Variants in CDH4 observed in about 807,000 individuals in gnomAD.
The protein encoded by CDH4 is cadherin 4.
In CDH4, 33 loss-of-function variants were observed where a neutral mutation model predicts 86.0. That is an observed-to-expected ratio of 0.38 (90% CI 0.29 to 0.51). The LOEUF (loss-of-function observed/expected upper bound fraction) is 0.51. Ranked by LOEUF, CDH4 falls within the 20% of genes least tolerant of loss-of-function variation. The probability of loss-of-function intolerance (pLI) is 0.86; values close to 1 mark genes in which losing one functional copy is unlikely to be tolerated. For synonymous variants in CDH4, 555 were observed against 549.4 expected (o/e 1.01, Z -0.14); for missense variants, 1,114 against 1,307.4 (o/e 0.85, Z 2.28).
intron 3 of CDH4, among the ~76,000 whole-genome samples, chr20:61,770,005 G>A (rs768457820): frequency 1.3e-5 from 2 of 152,160 alleles, no homozygotes; most frequent in South Asian, 2.1e-4. Context: ...CCTGCTCATC[G>A]GACATTCAGT....
intron 4 of CDH4, among the ~76,000 whole-genome samples, chr20:61,792,860 A>G (rs1213348363): frequency 1.3e-5 from 2 of 152,180 alleles, no homozygotes; most frequent in Admixed American, 1.3e-4. Flanking sequence ...CATATTGGTC[A>G]GGCTAATCTT....
At chr20:61,729,784 A>G (rs6061772) in intron 2 of CDH4, among the ~76,000 whole-genome samples, 91,099 of 152,192 alleles carry the variant, frequency 0.6, 28,744 homozygotes, top group African/African-American at 0.8. Flanking sequence ...TGCAGTGTCC[A>G]TGAGGATGTG....
chr20:61,525,561 G>T (rs906997807), intron 2 of CDH4, among the ~76,000 whole-genome samples: 1 of 152,222 alleles, frequency 6.6e-6, no homozygotes, highest in Non-Finnish European at 1.5e-5. Flanking sequence ...TCCAGCTGCA[G>T]AAGCCGGGAC....
At chr20:61,919,569 G>A (rs577377478) in intron 9 of CDH4, among the ~76,000 whole-genome samples, 12 of 152,386 alleles carry the variant, frequency 7.9e-5, no homozygotes, top group African/African-American at 2.6e-4. Flanking sequence ...CATCAGTGGC[G>A]GGACATGGTG....
chr20:61,617,098 G>A (rs1286821092), intron 2 of CDH4, among the ~76,000 whole-genome samples: 1 of 152,228 alleles, frequency 6.6e-6, no homozygotes, highest in African/African-American at 2.4e-5. Context: ...CATTTCTCAA[G>A]AGTCATCCTG....
At chr20:61,570,048 A>G (rs957753916) in intron 2 of CDH4, 2 of 152,418 alleles carry the variant, frequency 1.3e-5, no homozygotes, top group African/African-American at 4.8e-5. Flanking sequence ...AGTGACATGA[A>G]TGGTTACTAT....
At chr20:61,389,286 C>G (rs1036308352) in intron 2 of CDH4, among the ~76,000 whole-genome samples, 1 of 152,226 alleles carries the variant, frequency 6.6e-6, no homozygotes, top group African/African-American at 2.4e-5. Flanking sequence ...ATGTGGCGGC[C>G]TGTCTCAGAT....
chr20:61,267,771 A>G (rs1441974846), intron 2 of CDH4, among the ~76,000 whole-genome samples: 1 of 152,184 alleles, frequency 6.6e-6, no homozygotes, highest in Non-Finnish European at 1.5e-5. Context: ...ATGTGGAGGG[A>G]TGCAGAGAGG....
intron 2 of CDH4, among the ~76,000 whole-genome samples, chr20:61,723,061 G>A (rs2145915160): frequency 6.6e-6 from 1 of 152,266 alleles, no homozygotes; most frequent in South Asian, 2.1e-4. Flanking sequence ...AAGTGGAATG[G>A]TGATTTTCCT....
intron 2 of CDH4, among the ~76,000 whole-genome samples, chr20:61,324,897 G>C (rs940203215): frequency 6.6e-6 from 1 of 152,128 alleles, no homozygotes. Context: ...TCGCTGGGAG[G>C]CCATCAAATA....
At chr20:61,294,471 C>G (rs1046594613) in intron 2 of CDH4, among the ~76,000 whole-genome samples, 2 of 152,208 alleles carry the variant, frequency 1.3e-5, no homozygotes, top group Non-Finnish European at 2.9e-5. Context: ...AGAGGAAACA[C>G]AGCTGCTCTT....
intron 2 of CDH4, among the ~76,000 whole-genome samples, chr20:61,367,908 T>C (rs1426269702): frequency 6.9e-6 from 1 of 144,928 alleles, no homozygotes; most frequent in Non-Finnish European, 1.5e-5. Flanking sequence ...TCTTGCTCTG[T>C]CGCCCAGGCT....
rs937620710 is a variant in CDH4 at position 61,480,282 on chromosome 20, G to A, written c.169+225345G>A. 3.4e-4 allele frequency among the ~76,000 whole-genome samples: 52 copies of A among 152,106 alleles called. No individual in the cohort carries two copies. The highest frequency in any genetic ancestry group is 8.4e-4 in the African/African-American group (35 of 41,424). ...CCTGGAAACTCCCCAAGCGGAAGCC[G>A]GGGCAGCTGTGGCGCCCCCTGGCTG... On this transcript the variant is annotated intron_variant, in intron 2 of 15. Coordinates refer to ENST00000614565, the MANE Select transcript of CDH4 (RefSeq NM_001794.5). This position sits in a 1 kb window ranked among gnomAD's most constrained non-coding sequence, Gnocchi z 5.2.
rs184546823 is a variant in CDH4 at position 61,504,976 on chromosome 20, A to G, written c.170-238587A>G. 2.6e-5 allele frequency among the ~76,000 whole-genome samples: 4 copies of G among 152,312 alleles called. No individual in the cohort carries two copies. The East Asian group carries it at 5.8e-4, about 22-fold the overall frequency. On this transcript the variant is annotated intron_variant, in intron 2 of 15. Coordinates refer to ENST00000614565, the MANE Select transcript of CDH4 (RefSeq NM_001794.5). ...AAGTCAGGCCACTCAAAGCGCTGCA[A>G]ATGTTGGGGAGGGGGCTTCTCTTTC...
At chr20:61,308,668 C>T (rs926947045) in intron 2 of CDH4, among the ~76,000 whole-genome samples, 1 of 152,210 alleles carries the variant, frequency 6.6e-6, no homozygotes, top group Non-Finnish European at 1.5e-5. Flanking sequence ...AGTGTGTTTC[C>T]TTGTCTGATG....
chr20:61,396,787 A>T (rs1453019973), intron 2 of CDH4, among the ~76,000 whole-genome samples: 2 of 152,186 alleles, frequency 1.3e-5, no homozygotes, highest in Non-Finnish European at 2.9e-5. Context: ...TCACTAGCCT[A>T]GGAGGGAGAT....
intron 4 of CDH4, among the ~76,000 whole-genome samples, chr20:61,827,022 T>C (rs898264605): frequency 4.0e-5 from 6 of 151,166 alleles, no homozygotes; most frequent in African/African-American, 1.5e-4. Flanking sequence ...TGTGTTTCCT[T>C]ATTGTAAAAA....
chr20:61,486,294 C>T (rs2085596099), intron 2 of CDH4, among the ~76,000 whole-genome samples: 2 of 152,232 alleles, frequency 1.3e-5, no homozygotes, highest in Admixed American at 6.5e-5. Context: ...GGCTTAGGAG[C>T]TGGAGAGTGA....
At chr20:61,686,439 G>A (rs1167979705) in intron 2 of CDH4, among the ~76,000 whole-genome samples, 4 of 150,490 alleles carry the variant, frequency 2.7e-5, no homozygotes, top group African/African-American at 9.7e-5. Flanking sequence ...GTATGTGCGT[G>A]TGCGTGTGCA....
Sources: gnomAD v4.1 joint callset for allele counts (sites outside exome capture counted in the v4.1 genomes callset) on GRCh38, gnomAD v4.1.1 for gene constraint, Gnocchi (gnomAD v3.1) non-coding constraint, MANE v1.5 for transcripts, NCBI Gene and HGNC (gene_info 2026-07-23, HGNC 2026-07-21) for gene names.